Variants in PIH1D1 observed in about 807,000 individuals in gnomAD.
PIH1D1 encodes PIH1 domain-containing protein 1.
Under a neutral mutation model 38.5 loss-of-function variants are expected in PIH1D1, and 28 were observed. The observed-to-expected ratio is 0.73, with a 90% confidence interval of 0.54 to 1.00. PIH1D1 has a LOEUF of 1.00. Ranked by LOEUF, PIH1D1 falls within the 50% of genes least tolerant of loss-of-function variation. The probability of loss-of-function intolerance (pLI) is 0.00; values close to 1 mark genes in which losing one functional copy is unlikely to be tolerated. For synonymous variants in PIH1D1, 155 were observed against 153.5 expected, an observed-to-expected ratio of 1.01 and a Z score of -0.07; for missense variants, 343 against 369.9, an observed-to-expected ratio of 0.93 and a Z score of 0.60.
intron 2 of PIH1D1, among the ~76,000 whole-genome samples, chr19:49,450,059 T>G (rs1174524318): frequency 1.3e-5 from 2 of 151,880 alleles, no homozygotes. Flanking sequence ...CCTCCCAAAG[T>G]GCTGGGCTCC....
intron 4 of PIH1D1, 21 bp from the exon 5 acceptor site, chr19:49,447,929 AAGAC>A (rs1351382191): frequency 6.2e-7 from 1 of 1,613,888 alleles, no homozygotes; most frequent in African/African-American, 1.3e-5. Context: ...AGAGAGGGAA[AAGAC>A]AGGCGGTGGC....
chr19:49,449,326 C>T, intron 3 of PIH1D1, 149 bp downstream of exon 3: 1 of 793,748 alleles, frequency 1.3e-6, no homozygotes, highest in Non-Finnish European at 2.1e-6. Context: ...ATGTCCAGGG[C>T]ACTAGAGATC....
Position 49,446,594 on chromosome 19 carries a change from A to T in PIH1D1, c.788T>A (p.Ile263Asn). The change falls in exon 8 of 9, where the codon ATC becomes AAC. Residue 263 changes from isoleucine (I) to asparagine (N), a missense_variant. Coordinates refer to ENST00000262265, the MANE Select transcript of PIH1D1 (RefSeq NM_017916.3). ...GGCTGCCTTGCTCTCATGAGAGTTG[A>T]TCTGCAGCGGGATATAAGCGTCTAG... ...YHLDAYIPLQINSHESKAAFH... is the reference protein window; with the variant it reads ...YHLDAYIPLQNNSHESKAAFH... The T allele has an allele frequency of 6.2e-7, 1 of 1,613,836 alleles. No individual in the cohort carries two copies. The highest frequency in any genetic ancestry group is 8.5e-7 in the Non-Finnish European group (1 of 1,179,932).
chr19:49,448,638 G>T, intron 3 of PIH1D1: 1 of 170,158 alleles, frequency 5.9e-6, no homozygotes, highest in South Asian at 1.4e-4. Context: ...GCTGTGCTGG[G>T]TGCCCCCCTC....
In PIH1D1 at chr19:49,447,846, G is replaced by GT. The variant is rs1246666585; in HGVS notation, c.461dup (p.Tyr154Ter). Reference sequence around the variant, plus strand: ...CCTCACCCGGATTCAGCTGCAAGTTGTATTTGTCCTCAAGGCCCTCCCTGG... The same window carrying GT: ...CCTCACCCGGATTCAGCTGCAAGTTGTTATTTGTCCTCAAGGCCCTCCCTGG... ...TIAREGLEDKYNLQLNPEWRM... is the reference protein window; with the variant it reads ...TIAREGLEDK Residue 154 changes from tyrosine to a stop codon, truncating the protein, a stop_gained and frameshift_variant, in exon 5 of 9, where the codon TAC (tyrosine) becomes TAAC (stop). Coordinates refer to ENST00000262265, the MANE Select transcript of PIH1D1 (RefSeq NM_017916.3). LOFTEE classifies it high-confidence loss of function. The GT allele has an allele frequency of 1.4e-5, 23 of 1,614,054 alleles. No individual in the cohort carries two copies. The highest frequency in any genetic ancestry group is 1.9e-5 in the Non-Finnish European group (23 of 1,180,020).
chr19:49,451,810 T>G lies in PIH1D1; in HGVS notation c.-236A>C. 1 of 1,248,602 alleles carries G rather than the reference T, an allele frequency of 8.0e-7. No homozygotes were observed. The highest frequency in any genetic ancestry group is 1.0e-6 in the Non-Finnish European group (1 of 953,810). 77.3% of individuals were successfully genotyped at this position (1,248,602 alleles called of 1,614,324 possible). ...ACCCTCCGTCCTACGTGCCGAACTG[T>G]AAACGAAGCCACACTTCCGGTCTAT... is the stretch of plus-strand genomic sequence containing the variant. On this transcript the variant is annotated 5_prime_UTR_variant, in exon 1 of 9. Transcript: ENST00000262265.
chr19:49,447,674 G>A (rs958326376), intron 5 of PIH1D1, 153 bp downstream of exon 5: 3 of 962,174 alleles, frequency 3.1e-6, no homozygotes, highest in Non-Finnish European at 1.6e-6. Context: ...AGATGTTCCT[G>A]GCCCCGCCCC....
At chr19:49,446,915 G>A in intron 7 of PIH1D1, 109 bp downstream of exon 7, 1 of 1,143,332 alleles carries the variant, frequency 8.7e-7, no homozygotes, top group African/African-American at 1.6e-5. Context: ...CTGGCAGAGA[G>A]GACGCAACTG....
intron 1 of PIH1D1, 154 bp from the exon 2 acceptor site, chr19:49,451,002 C>T: frequency 9.1e-7 from 1 of 1,099,014 alleles, no homozygotes; most frequent in South Asian, 1.5e-5. Context: ...ACTAGAAGAA[C>T]AACCCCAACC....
chr19:49,451,406 C>T (rs2079059392), intron 1 of PIH1D1, 79 bp downstream of exon 1: 1 of 1,591,354 alleles, frequency 6.3e-7, no homozygotes, highest in South Asian at 1.1e-5. Flanking sequence ...TTAGTGCATT[C>T]TGGGAACTGC....
At chr19:49,451,022 T>TTTA in intron 1 of PIH1D1, 174 bp from the exon 2 acceptor site, 4 of 1,000,426 alleles carry the variant, frequency 4.0e-6, no homozygotes, top group South Asian at 1.9e-5. Context: ...CCCATTCCCA[T>TTTA]TTCTTTTTTT....
At chr19:49,448,183 G>C (rs942411799) in intron 3 of PIH1D1, 121 bp from the exon 4 acceptor site, 3 of 1,002,864 alleles carry the variant, frequency 3.0e-6, no homozygotes, top group African/African-American at 3.2e-5. Flanking sequence ...GAGACATAAG[G>C]AAGTGAGAGC....
intron 1 of PIH1D1, 181 bp from the exon 2 acceptor site, chr19:49,451,029 T>A: frequency 3.0e-5 from 18 of 593,758 alleles, no homozygotes; most frequent in East Asian, 5.7e-5. Flanking sequence ...CCATTTCTTT[T>A]TTTTTTTTTT....
Position 49,447,897 on chromosome 19 carries a change from G to T in PIH1D1, c.411C>A (p.Phe137Leu). The stretch of plus-strand genomic sequence containing the variant: ...CGATGGTGATCACGAGCTCCCGCAA[G>T]AAATCGCTGTTCTGGGGTGACAGAG... ...DFYRRMQNSD[F>L]LRELVITIAR... The change falls in exon 5 of 9, where the codon TTC becomes TTA. Residue 137 changes from phenylalanine (F) to leucine (L), a missense_variant. Phe to Leu is a conservative substitution (Grantham distance 22). Coordinates refer to ENST00000262265, the MANE Select transcript of PIH1D1 (RefSeq NM_017916.3). The T allele has an allele frequency of 6.2e-7, 1 of 1,614,170 alleles. No homozygotes were observed. Among genetic ancestry groups the T allele is most frequent in the Non-Finnish European group, 8.5e-7 (1 of 1,180,018 alleles).
intron 2 of PIH1D1, 106 bp downstream of exon 2, chr19:49,450,676 C>CA: frequency 8.1e-6 from 5 of 618,138 alleles, no homozygotes; most frequent in South Asian, 4.2e-5. Flanking sequence ...GGTGTCTGCT[C>CA]ACCCCACCCC....
In PIH1D1 at chr19:49,451,796, T is replaced by C; in HGVS notation, c.-222A>G. On this transcript the variant is annotated 5_prime_UTR_variant, in exon 1 of 9. Transcript: ENST00000262265. The stretch of plus-strand genomic sequence containing the variant: ...TCTCTAGACGCACTACCCTCCGTCC[T>C]ACGTGCCGAACTGTAAACGAAGCCA... 1 of 1,341,522 alleles carries C rather than the reference T, an allele frequency of 7.5e-7. No homozygotes were observed. The highest frequency in any genetic ancestry group is 2.7e-5 in the East Asian group (1 of 36,778). 83.1% of individuals were successfully genotyped at this position (1,341,522 alleles called of 1,614,324 possible). A position where few individuals can be genotyped will look rare whatever the true frequency, so the allele number is the denominator to read the frequency against.
At chr19:49,446,939 C>T in intron 7 of PIH1D1, 85 bp downstream of exon 7, 1 of 1,259,430 alleles carries the variant, frequency 7.9e-7, no homozygotes, top group Non-Finnish European at 1.2e-6. Flanking sequence ...AGTCCAGCAA[C>T]AACCCCTTGT....
Position 49,447,235 on chromosome 19 carries a change from C to T in PIH1D1, c.611+103G>A. 6 of 1,538,386 alleles carry T rather than the reference C, an allele frequency of 3.9e-6. No individual in the cohort carries two copies. In the South Asian group the frequency reaches 7.0e-5, roughly 18 times the overall value. On this transcript the variant is annotated intron_variant, in intron 6 of 8. Transcript: ENST00000262265. ...CAGGAGTTCTCTCTCCTCCCTCTCT[C>T]AGTGCCCAGGGCCCCAGGACATCAC...
Position 49,451,591 on chromosome 19 carries a change from T to C in PIH1D1, c.-17A>G. 1.2e-6 allele frequency: 2 copies of C among 1,611,996 alleles called. No individual in the cohort carries two copies. Among genetic ancestry groups the C allele is most frequent in the South Asian group, 1.1e-5 (1 of 91,066 alleles). The stretch of plus-strand genomic sequence containing the variant: ...GTTCGCCATGGCCCTGGGAAAGAGA[T>C]CTAGGCGTCCTCGAGACCCTCAACG... On this transcript the variant is annotated 5_prime_UTR_variant, in exon 1 of 9. Coordinates refer to ENST00000262265, the MANE Select transcript of PIH1D1 (RefSeq NM_017916.3).
Sources: gnomAD v4.1 joint callset for allele counts (sites outside exome capture counted in the v4.1 genomes callset) on GRCh38, gnomAD v4.1.1 for gene constraint, MANE v1.5 for transcripts, NCBI Gene and HGNC (gene_info 2026-07-23, HGNC 2026-07-21) for gene names.